TTLL5: variants seen among roughly 807,000 people sequenced by gnomAD.
TTLL5 encodes tubulin tyrosine ligase like 5.
In TTLL5, 132 loss-of-function variants were observed where a neutral mutation model predicts 168.4. That is an observed-to-expected ratio of 0.78 (90% CI 0.68 to 0.91). TTLL5 has a LOEUF of 0.91. Ranked by LOEUF, TTLL5 falls within the 40% of genes least tolerant of loss-of-function variation. The pLI is 0.00. For synonymous variants in TTLL5, 546 were observed against 558.6 expected (o/e 0.98, Z 0.32); for missense variants, 1,545 against 1,581.5 (o/e 0.98, Z 0.39).
Position 75,827,707 on chromosome 14 carries a change from C to CTTTTTTTTTTTTT in TTLL5, c.3326+7565_3326+7577dup, listed in dbSNP as rs561078439. Among the ~76,000 whole-genome samples, 19 of 53,204 alleles carry CTTTTTTTTTTTTT rather than the reference C, an allele frequency of 3.6e-4. 2 individuals are homozygous for CTTTTTTTTTTTTT. Among genetic ancestry groups the CTTTTTTTTTTTTT allele is most frequent in the East Asian group, 2.3e-3 (3 of 1,298 alleles). The allele number at this position is 53,204 out of a possible 152,430, so 34.9% of individuals were successfully genotyped here. On this transcript the variant is annotated intron_variant, in intron 28 of 31. Coordinates refer to ENST00000298832, the MANE Select transcript of TTLL5 (RefSeq NM_015072.5). The stretch of plus-strand genomic sequence containing the variant: ...AATCAATACCACATTTGGCTTGGTT[C>CTTTTTTTTTTTTT]TTTTTTTTTTTTTTTTTTTTTTTTT...
At chr14:75,808,959 A>G (rs1056683209) in intron 27 of TTLL5, among the ~76,000 whole-genome samples, 2 of 151,686 alleles carry the variant, frequency 1.3e-5, no homozygotes, top group Non-Finnish European at 2.9e-5. Flanking sequence ...TATACATATC[A>G]GGATATATAT....
At chr14:75,756,708 A>C (rs950473943) in intron 18 of TTLL5, among the ~76,000 whole-genome samples, 4 of 152,018 alleles carry the variant, frequency 2.6e-5, no homozygotes, top group South Asian at 2.1e-4. Flanking sequence ...GGGTTTCGCC[A>C]TGTTGGCCAA....
chr14:75,863,911 TAAAAAAAAAAAA>T (rs76733656), intron 29 of TTLL5, 49 bp downstream of exon 29: 5 of 100,020 alleles, frequency 5.0e-5, no homozygotes, highest in South Asian at 6.5e-4. Context: ...CTGCTGTTGG[TAAAAAAAAAAAA>T]AAAAAAAAAA....
intron 31 of TTLL5, among the ~76,000 whole-genome samples, chr14:75,945,471 G>A (rs900700728): frequency 6.6e-6 from 1 of 151,690 alleles, no homozygotes; most frequent in Admixed American, 6.6e-5. Flanking sequence ...TGGTCAGGAT[G>A]ATCTCGATCT....
intron 20 of TTLL5, among the ~76,000 whole-genome samples, chr14:75,769,300 C>T (rs925697556): frequency 3.3e-5 from 5 of 152,152 alleles, no homozygotes; most frequent in Admixed American, 1.3e-4. Context: ...GGAAAGTCCA[C>T]GCACAGCCAG....
intron 4 of TTLL5, among the ~76,000 whole-genome samples, chr14:75,682,569 G>T (rs142000220): frequency 6.6e-6 from 1 of 152,032 alleles, no homozygotes; most frequent in African/African-American, 2.4e-5. Flanking sequence ...GGGATGGGTG[G>T]GTGATTGACA....
chr14:75,738,441 C>A lies in TTLL5; in HGVS notation c.1281+3152C>A, dbSNP rs543479684. On this transcript the variant is annotated intron_variant, in intron 15 of 31. Transcript: ENST00000298832. ...CTTGACATGTAACTTTTCTTAGCTA[C>A]TGTTTCTGATAAAGTGATTTATATG... Among the ~76,000 whole-genome samples the A allele has an allele frequency of 3.3e-5, 5 of 152,234 alleles. No individual in the cohort carries two copies. In the South Asian group the frequency reaches 1.0e-3, roughly 32 times the overall value.
intron 5 of TTLL5, among the ~76,000 whole-genome samples, chr14:75,686,708 A>C (rs1885084166): frequency 6.6e-6 from 1 of 152,186 alleles, no homozygotes; most frequent in Non-Finnish European, 1.5e-5. Flanking sequence ...GAATTAACTC[A>C]GAATTTTTTT....
intron 15 of TTLL5, among the ~76,000 whole-genome samples, chr14:75,741,313 T>A (rs550517075): frequency 2.0e-4 from 30 of 152,224 alleles, no homozygotes; most frequent in Non-Finnish European, 4.0e-4. Context: ...CATGTATCTT[T>A]TAGCCAGAGG....
chr14:75,883,503 C>T (rs1048169968), intron 30 of TTLL5, among the ~76,000 whole-genome samples: 10 of 152,188 alleles, frequency 6.6e-5, no homozygotes, highest in African/African-American at 1.9e-4. Flanking sequence ...GGAAGAGGCA[C>T]GCATTGCCTG....
chr14:75,924,430 G>GCCTT (rs903298444), intron 31 of TTLL5, among the ~76,000 whole-genome samples: 8 of 151,764 alleles, frequency 5.3e-5, no homozygotes, highest in Admixed American at 3.9e-4. Flanking sequence ...GGACCCTGCG[G>GCCTT]CCTTCCGCAG....
At chr14:75,907,378 A>G (rs2033186948) in intron 31 of TTLL5, among the ~76,000 whole-genome samples, 1 of 152,206 alleles carries the variant, frequency 6.6e-6, no homozygotes, top group Non-Finnish European at 1.5e-5. Context: ...AATTTTCCAG[A>G]AAATTCTGCG....
intron 12 of TTLL5, among the ~76,000 whole-genome samples, chr14:75,730,864 T>C (rs894599942): frequency 3.6e-4 from 54 of 152,050 alleles, no homozygotes; most frequent in South Asian, 1.2e-3. Flanking sequence ...GGATTACAGG[T>C]GCCTGCCACC....
chr14:75,819,921 C>T (rs1365732768), intron 27 of TTLL5, 86 bp from the exon 28 acceptor site: 5 of 1,441,118 alleles, frequency 3.5e-6, no homozygotes, highest in Non-Finnish European at 4.6e-6. Context: ...CATCTGTTGG[C>T]CTTGACTTGA....
chr14:75,787,003 C>T (rs1892405110), intron 26 of TTLL5, among the ~76,000 whole-genome samples: 1 of 152,006 alleles, frequency 6.6e-6, no homozygotes, highest in African/African-American at 2.4e-5. Flanking sequence ...CATGGTGGCG[C>T]TGGCCTGTAG....
intron 31 of TTLL5, among the ~76,000 whole-genome samples, chr14:75,921,948 T>C (rs913851293): frequency 6.6e-6 from 1 of 152,222 alleles, no homozygotes; most frequent in African/African-American, 2.4e-5. Context: ...TCACATTCCT[T>C]GTGAGTTACA....
chr14:75,754,667 T>A (rs1300603106), intron 18 of TTLL5, among the ~76,000 whole-genome samples: 2 of 152,170 alleles, frequency 1.3e-5, no homozygotes, highest in Non-Finnish European at 2.9e-5. Flanking sequence ...TATTAAATAG[T>A]AAGAGCTAGC....
chr14:75,763,353 C>T (rs1890779090), intron 18 of TTLL5, among the ~76,000 whole-genome samples: 1 of 151,748 alleles, frequency 6.6e-6, no homozygotes, highest in Non-Finnish European at 1.5e-5. Flanking sequence ...CTTCCCATTT[C>T]TGCTCCCAGT....
At chr14:75,945,665 A>G (rs2034750277) in intron 31 of TTLL5, among the ~76,000 whole-genome samples, 1 of 152,236 alleles carries the variant, frequency 6.6e-6, no homozygotes, top group African/African-American at 2.4e-5. Flanking sequence ...AAGCCATTTG[A>G]GAAGGCCTAA....
Sources: allele counts gnomAD v4.1 joint callset (sites outside exome capture counted in the v4.1 genomes callset), GRCh38; gene constraint gnomAD v4.1.1; transcripts MANE v1.5; gene names NCBI Gene and HGNC (gene_info 2026-07-23, HGNC 2026-07-21).